LGR6: variants seen among roughly 807,000 people sequenced by gnomAD.
The protein encoded by LGR6 is leucine-rich repeat-containing G protein-coupled receptor 6.
A neutral mutation model predicts 69.4 loss-of-function variants in LGR6; 45 were observed. That is an observed-to-expected ratio of 0.65 (90% CI 0.51 to 0.83). The LOEUF is 0.83. Among genes scored for constraint, LGR6 ranks in the 40% least tolerant of loss-of-function variants. The pLI, the probability that LGR6 is intolerant of heterozygous loss-of-function variation, is 0.00. For missense variants in LGR6, 1,108 were observed against 1,246.7 expected, an observed-to-expected ratio of 0.89 and a Z score of 1.68; for synonymous variants, 538 against 555.0, an observed-to-expected ratio of 0.97 and a Z score of 0.43.
At chr1:202,294,380 G>C (rs1666999141) in intron 6 of LGR6, among the ~76,000 whole-genome samples, 1 of 152,182 alleles carries the variant, frequency 6.6e-6, no homozygotes, top group South Asian at 2.1e-4. Context: ...AAAATTTAGT[G>C]GCTTAAAATA....
At chr1:202,251,835 A>G (rs999063498) in intron 4 of LGR6, among the ~76,000 whole-genome samples, 5 of 151,922 alleles carry the variant, frequency 3.3e-5, no homozygotes, top group Non-Finnish European at 7.4e-5. Flanking sequence ...AGGGGAGCCC[A>G]CCTGGAAGGG....
chr1:202,267,598 T>A (rs1664772966), intron 4 of LGR6, among the ~76,000 whole-genome samples: 2 of 152,144 alleles, frequency 1.3e-5, no homozygotes, highest in South Asian at 4.1e-4. Context: ...CCTCCTTTTC[T>A]GCATGCAAGA....
intron 1 of LGR6, among the ~76,000 whole-genome samples, chr1:202,206,132 A>G (rs921340304): frequency 6.6e-6 from 1 of 152,264 alleles, no homozygotes; most frequent in Non-Finnish European, 1.5e-5. Flanking sequence ...GATGGAGGAC[A>G]CTGGATCAAG....
Position 202,194,192 on chromosome 1 carries a change from C to A in LGR6, c.203C>A (p.Thr68Lys). 6.4e-7 allele frequency: 1 copy of A among 1,558,758 alleles called. No homozygotes were observed. Among genetic ancestry groups the A allele is most frequent in the Non-Finnish European group, 8.6e-7 (1 of 1,160,778 alleles). The change falls in exon 1 of 18, where the codon ACG becomes AAG. Residue 68 changes from threonine to lysine, a missense_variant. Coordinates refer to ENST00000367278, the MANE Select transcript of LGR6 (RefSeq NM_001017403.2). ...GTTCCGGGGGACCTGGACCCCCTGA[C>A]GGCTTACCTGTGAGTACTGCCCGCC... Reference protein sequence around the residue: ...SAVPGDLDPLTAYLDLSMNNL... With the variant: ...SAVPGDLDPLKAYLDLSMNNL...
intron 4 of LGR6, among the ~76,000 whole-genome samples, chr1:202,241,188 G>A (rs928252908): frequency 3.3e-5 from 5 of 152,282 alleles, no homozygotes; most frequent in South Asian, 2.1e-4. Flanking sequence ...GGAAATCAAC[G>A]GATCAGGGAA....
At chr1:202,232,372 G>T (rs535312477) in intron 3 of LGR6, among the ~76,000 whole-genome samples, 96 of 152,316 alleles carry the variant, frequency 6.3e-4, no homozygotes, top group African/African-American at 2.2e-3. Context: ...TGTGTGAGGG[G>T]AGGAGTGTTG....
chr1:202,230,664 C>A (rs1044186993), intron 3 of LGR6, among the ~76,000 whole-genome samples: 8 of 152,204 alleles, frequency 5.3e-5, no homozygotes, highest in Admixed American at 1.3e-4. Flanking sequence ...GTGTGTCAGG[C>A]TTCTCCAGTC....
chr1:202,226,927 A>G (rs918868396), intron 2 of LGR6, among the ~76,000 whole-genome samples: 5 of 152,212 alleles, frequency 3.3e-5, no homozygotes, highest in African/African-American at 1.2e-4. Flanking sequence ...GCAAAGCAAG[A>G]GCAAAGGCCA....
intron 6 of LGR6, among the ~76,000 whole-genome samples, chr1:202,296,771 C>T (rs946569281): frequency 1.3e-5 from 2 of 152,144 alleles, no homozygotes; most frequent in African/African-American, 4.8e-5. Context: ...CTTACACATT[C>T]CTAGACTTGG....
intron 1 of LGR6, among the ~76,000 whole-genome samples, chr1:202,209,712 A>G (rs1251415830): frequency 3.3e-5 from 5 of 152,240 alleles, no homozygotes; most frequent in East Asian, 1.9e-4. Flanking sequence ...CACTCGAAGT[A>G]TGGTTCACAG....
intron 4 of LGR6, among the ~76,000 whole-genome samples, chr1:202,269,605 C>T (rs1304910108): frequency 6.6e-6 from 1 of 152,186 alleles, no homozygotes; most frequent in Non-Finnish European, 1.5e-5. Context: ...TCTGGATGTG[C>T]CCCAGCCCTG....
chr1:202,206,479 A>T (rs1659236321), intron 1 of LGR6, among the ~76,000 whole-genome samples: 1 of 152,188 alleles, frequency 6.6e-6, no homozygotes. Flanking sequence ...CCACACAGTC[A>T]CACAGGGCCC....
At position 202,299,425 on chromosome 1, in the gene LGR6, C is replaced by T. The variant is rs1040790703; in HGVS notation, c.786-1424C>T. Among the ~76,000 whole-genome samples the T allele has an allele frequency of 2.6e-5, 4 of 151,840 alleles. No homozygotes were observed. In the South Asian group the frequency reaches 6.2e-4, roughly 24 times the overall value. ...AGCAGGATGTGCAAAAGCATTGAGCCGGGAAATAATAAAACATTAGGGAAG... is the reference window on the plus strand; with the variant it reads ...AGCAGGATGTGCAAAAGCATTGAGCTGGGAAATAATAAAACATTAGGGAAG... On this transcript the variant is annotated intron_variant, in intron 7 of 17. Coordinates refer to ENST00000367278, the MANE Select transcript of LGR6 (RefSeq NM_001017403.2).
At chr1:202,273,244 G>C (rs1236338282) in intron 4 of LGR6, among the ~76,000 whole-genome samples, 3 of 152,104 alleles carry the variant, frequency 2.0e-5, no homozygotes, top group Non-Finnish European at 2.9e-5. Flanking sequence ...ATTATTATTG[G>C]TGTCATGGTT....
chr1:202,304,783 C>A (rs533274769), intron 11 of LGR6, among the ~76,000 whole-genome samples, 153 bp downstream of exon 11: 1 of 152,100 alleles, frequency 6.6e-6, no homozygotes, highest in African/African-American at 2.4e-5. Flanking sequence ...CCAGAAGGAC[C>A]GGGTTTGAGG....
chr1:202,288,057 C>A (rs1022236704), intron 6 of LGR6, among the ~76,000 whole-genome samples: 3 of 152,186 alleles, frequency 2.0e-5, no homozygotes, highest in Admixed American at 2.0e-4. Context: ...ATGCTGTGGC[C>A]CCTTGCCGCC....
chr1:202,247,946 G>A (rs1005497576), intron 4 of LGR6, among the ~76,000 whole-genome samples: 2 of 152,160 alleles, frequency 1.3e-5, no homozygotes, highest in Admixed American at 6.5e-5. Context: ...CCTCCCCAGC[G>A]CCTCAGCCAT....
At position 202,296,394 on chromosome 1, in the gene LGR6, G is replaced by A. The variant is rs561942584; in HGVS notation, c.717-1114G>A. On this transcript the variant is annotated intron_variant, in intron 6 of 17. Coordinates refer to ENST00000367278, the MANE Select transcript of LGR6 (RefSeq NM_001017403.2). ...AATTTTGGAAGCTCTTCGATGATAG[G>A]CGATCTCATTACGTAACAGGGAGTA... 4.6e-5 allele frequency among the ~76,000 whole-genome samples: 7 copies of A among 152,274 alleles called. No homozygotes were observed. In the East Asian group the frequency reaches 1.4e-3, roughly 29 times the overall value.
chr1:202,278,366 G>A (rs1241825974), intron 5 of LGR6, among the ~76,000 whole-genome samples: 1 of 152,128 alleles, frequency 6.6e-6, no homozygotes, highest in Non-Finnish European at 1.5e-5. Flanking sequence ...CAAGGTTTGG[G>A]TGGGAGCCAA....
Sources: allele counts gnomAD v4.1 joint callset (sites outside exome capture counted in the v4.1 genomes callset), GRCh38; gene constraint gnomAD v4.1.1; transcripts MANE v1.5; gene names NCBI Gene and HGNC (gene_info 2026-07-23, HGNC 2026-07-21).